DENND4B: variants seen among roughly 807,000 people sequenced by gnomAD.
DENND4B encodes DENN domain containing 4B.
In DENND4B, 67 loss-of-function variants were observed where a neutral mutation model predicts 161.0. That is an observed-to-expected ratio of 0.42 (90% CI 0.34 to 0.51). The LOEUF (loss-of-function observed/expected upper bound fraction) is 0.51. Ranked by LOEUF, DENND4B falls within the 20% of genes least tolerant of loss-of-function variation. DENND4B has a pLI of 0.08. For synonymous variants in DENND4B, 753 were observed against 813.8 expected, an observed-to-expected ratio of 0.93 and a Z score of 1.27; for missense variants, 1,481 against 1,968.0, an observed-to-expected ratio of 0.75 and a Z score of 4.68.
At position 153,936,583 on chromosome 1, in the gene DENND4B, G is replaced by A. The variant is rs1208489799; in HGVS notation, c.2398C>T (p.Leu800=). 1.2e-6 allele frequency: 2 copies of A among 1,610,236 alleles called. No individual in the cohort carries two copies. Among genetic ancestry groups the A allele is most frequent in the South Asian group, 2.2e-5 (2 of 90,620 alleles). The change falls in exon 16 of 28, where the codon CTG becomes TTG. Residue 800 remains leucine, a synonymous_variant. Transcript: ENST00000361217. The surrounding 1 kb of genome is among the most constrained non-coding windows in gnomAD (Gnocchi z 4.1). ...VQALHTAYHV[L]RQMESGKVVL... is the part of the protein sequence containing the mutation. Reference sequence around the variant, plus strand: ...ACCTTGCCGCTCTCCATCTGGCGCAGCACATGGTAGGCTGTGTGCAGTGCC... The same window carrying A: ...ACCTTGCCGCTCTCCATCTGGCGCAACACATGGTAGGCTGTGTGCAGTGCC...
At chr1:153,941,773 C>CGGGGGGGGGGGGGG in intron 6 of DENND4B, 96 bp downstream of exon 6, 1 of 1,426,304 alleles carries the variant, frequency 7.0e-7, no homozygotes, top group Non-Finnish European at 9.6e-7. Flanking sequence ...ACCCTGTGCC[C>CGGGGGGGGGGGGGG]AGCCCTCCCC....
chr1:153,941,783 C>G, intron 6 of DENND4B, 86 bp downstream of exon 6: 1 of 918,764 alleles, frequency 1.1e-6, no homozygotes, highest in Non-Finnish European at 1.7e-6. Flanking sequence ...CAGCCCTCCC[C>G]CCACCCACAT....
At position 153,933,424 on chromosome 1, in the gene DENND4B, C is replaced by T. The variant is rs999337691; in HGVS notation, c.3330+59G>A. On this transcript the variant is annotated intron_variant, in intron 20 of 27. Transcript: ENST00000361217. The surrounding 1 kb of genome is among the most constrained non-coding windows in gnomAD (Gnocchi z 5.7). Reference sequence around the variant, plus strand: ...CCCCCTTTTTGAGCATTCTTCCAGTCGTAGCCCCTCCCCAAGCCCACTAAT... The same window carrying T: ...CCCCCTTTTTGAGCATTCTTCCAGTTGTAGCCCCTCCCCAAGCCCACTAAT... The T allele has an allele frequency of 1.2e-5, 19 of 1,599,046 alleles. No homozygotes were observed. The Middle Eastern group carries it at 1.2e-3, about 99-fold the overall frequency.
In DENND4B at chr1:153,937,243, A is replaced by G. The variant is rs552109010; in HGVS notation, c.2232+245T>C. 5.9e-5 allele frequency among the ~76,000 whole-genome samples: 9 copies of G among 152,360 alleles called. No individual in the cohort carries two copies. In the South Asian group the frequency reaches 1.9e-3, roughly 32 times the overall value. On this transcript the variant is annotated intron_variant, in intron 15 of 27. Coordinates refer to ENST00000361217, the MANE Select transcript of DENND4B (RefSeq NM_014856.3). This position sits in a 1 kb window ranked among gnomAD's most constrained non-coding sequence, Gnocchi z 4.7. ...CTTGAGCATGGGCAGGTGCCCTAGA[A>G]GACATGGCCAGCCCCTGGATTCCCA...
rs140333958 is a variant in DENND4B at position 153,935,772 on chromosome 1, C to T, written c.2568+288G>A. 1.0e-3 allele frequency: 357 copies of T among 352,640 alleles called. 2 individuals are homozygous for T. The highest frequency in any genetic ancestry group is 6.6e-3 in the African/African-American group (312 of 47,374). 21.8% of individuals were successfully genotyped at this position (352,640 alleles called of 1,614,324 possible). On this transcript the variant is annotated intron_variant, in intron 17 of 27. Transcript: ENST00000361217. ...TGATCATCCCACCTCATAGGGCTGT[C>T]GTGAAGATAAAATGATGTAAAATGT...
rs1679563111 is a variant in DENND4B, at chr1:153,939,776, G to A, written c.1632C>T (p.Ser544=). 6.2e-7 allele frequency: 1 copy of A among 1,613,836 alleles called. No homozygotes were observed. The highest frequency in any genetic ancestry group is 8.5e-7 in the Non-Finnish European group (1 of 1,179,870). Residue 544 remains serine, a synonymous_variant, in exon 12 of 28, where the codon TCC becomes TCT. Transcript: ENST00000361217. ...CGTAGTCTGTCAGTAGGAACTCCAGGGATGCTTCCTCCTCAGGTCCAGTGT... is the reference window on the plus strand; with the variant it reads ...CGTAGTCTGTCAGTAGGAACTCCAGAGATGCTTCCTCCTCAGGTCCAGTGT... ...QTYTGPEEEA[S]LEFLLTDYEA... is the part of the protein sequence containing the mutation.
chr1:153,934,115 A>G lies in DENND4B; in HGVS notation c.2941+20T>C. On this transcript the variant is annotated intron_variant, in intron 19 of 27. Coordinates refer to ENST00000361217, the MANE Select transcript of DENND4B (RefSeq NM_014856.3). This position sits in a 1 kb window ranked among gnomAD's most constrained non-coding sequence, Gnocchi z 5.3. Reference sequence around the variant, plus strand: ...GGAAAGCTGACTGGGGGAGTGAGGGAGCCAGACAAGGGCACTCACTGTGGG... The same window carrying G: ...GGAAAGCTGACTGGGGGAGTGAGGGGGCCAGACAAGGGCACTCACTGTGGG... The G allele has an allele frequency of 6.5e-7, 1 of 1,536,812 alleles. No homozygotes were observed. The highest frequency in any genetic ancestry group is 1.3e-5 in the South Asian group (1 of 79,900).
At position 153,946,109 on chromosome 1, in the gene DENND4B, A is replaced by G. The variant is rs1435186480; in HGVS notation, c.-24+192T>C. ...CACCCACGGGAGCAGAAGGGGGTGC[A>G]GGAGGCCGGGCACGGCGAGCTAATT... On this transcript the variant is annotated intron_variant, in intron 1 of 27. Transcript: ENST00000361217. The surrounding 1 kb of genome is among the most constrained non-coding windows in gnomAD (Gnocchi z 6.3). 6.6e-6 allele frequency among the ~76,000 whole-genome samples: 1 copy of G among 152,180 alleles called. No individual in the cohort carries two copies. The highest frequency in any genetic ancestry group is 2.4e-5 in the African/African-American group (1 of 41,460).
chr1:153,941,676 T>C (rs1326573602), intron 6 of DENND4B, among the ~76,000 whole-genome samples, 193 bp downstream of exon 6: 1 of 152,126 alleles, frequency 6.6e-6, no homozygotes, highest in East Asian at 1.9e-4. Flanking sequence ...AAGTTTAGAC[T>C]GGATTTCAGG....
At chr1:153,935,128 A>C in intron 17 of DENND4B, 164 bp from the exon 18 acceptor site, 1 of 1,389,876 alleles carries the variant, frequency 7.2e-7, no homozygotes, top group Non-Finnish European at 9.4e-7. Flanking sequence ...CAGAAGAGAC[A>C]GTAGGCAGCA....
Position 153,934,144 on chromosome 1 carries a change from C to T in DENND4B, c.2932G>A (p.Val978Met). The T allele has an allele frequency of 6.4e-7, 1 of 1,568,088 alleles. No individual in the cohort carries two copies. Among genetic ancestry groups the T allele is most frequent in the Middle Eastern group, 2.0e-4 (1 of 5,096 alleles). The change falls in exon 19 of 28, where the codon GTG becomes ATG. Residue 978 changes from valine to methionine, a missense_variant. This residue lies in a region of DENND4B where 339 missense variants were observed against 330.3 expected (regional missense o/e 1.03). Transcript: ENST00000361217. The surrounding 1 kb of genome is among the most constrained non-coding windows in gnomAD (Gnocchi z 5.3). ...RGAQPTVEAG[V>M]AHMIEALGVL... ...AGACAAGGGCACTCACTGTGGGCCACACCGGCCTCCACAGTGGGCTGTGCC... is the reference window on the plus strand; with the variant it reads ...AGACAAGGGCACTCACTGTGGGCCATACCGGCCTCCACAGTGGGCTGTGCC...
chr1:153,933,150 G>C lies in DENND4B; in HGVS notation c.3453+47C>G. 1 of 1,612,126 alleles carries C rather than the reference G, an allele frequency of 6.2e-7. No individual in the cohort carries two copies. On this transcript the variant is annotated intron_variant, in intron 21 of 27. Coordinates refer to ENST00000361217, the MANE Select transcript of DENND4B (RefSeq NM_014856.3). The surrounding 1 kb of genome is among the most constrained non-coding windows in gnomAD (Gnocchi z 5.7). ...CTCCTGCCTTGGACAGGGTGAGTGT[G>C]TGCTATGTGTGTTCAAGCACATCTG...
Position 153,934,892 on chromosome 1 carries a change from C to T in DENND4B, c.2641G>A (p.Val881Ile), listed in dbSNP as rs1679241000. ...TGGCGGAACTGAGCAGCCCCCAGGA[C>T]AACATTCCGGAGCTTGGCCCAGCGC... The part of the protein sequence containing the change: ...RLRWAKLRNV[V>I]LGAAQFRQPL... The change falls in exon 18 of 28, where the codon GTC becomes ATC. Residue 881 changes from valine (V) to isoleucine (I), a missense_variant. By Grantham distance (29) the Val-to-Ile change is conservative (BLOSUM62 3). Around this residue, in one of 3 missense-constraint regions of DENND4B, gnomAD observed 339 missense variants for 330.3 expected, o/e 1.03. Coordinates refer to ENST00000361217, the MANE Select transcript of DENND4B (RefSeq NM_014856.3). The surrounding 1 kb of genome is among the most constrained non-coding windows in gnomAD (Gnocchi z 5.3). 1.2e-6 allele frequency: 2 copies of T among 1,613,596 alleles called. No individual in the cohort carries two copies. The highest frequency in any genetic ancestry group is 3.3e-5 in the Admixed American group (2 of 59,998).
At position 153,934,998 on chromosome 1, in the gene DENND4B, C is replaced by T. The variant is rs376395223; in HGVS notation, c.2569-34G>A. ...CACAGTGCCCATCAGGATGGCCTACCTCGACACCCTAACCCTGCCTCATAC... is the reference window on the plus strand; with the variant it reads ...CACAGTGCCCATCAGGATGGCCTACTTCGACACCCTAACCCTGCCTCATAC... On this transcript the variant is annotated intron_variant, in intron 17 of 27. Transcript: ENST00000361217. This position sits in a 1 kb window ranked among gnomAD's most constrained non-coding sequence, Gnocchi z 5.3. 1.2e-6 allele frequency: 2 copies of T among 1,602,402 alleles called. No individual in the cohort carries two copies. Among genetic ancestry groups the T allele is most frequent in the Non-Finnish European group, 1.7e-6 (2 of 1,178,112 alleles).
chr1:153,933,760 G>A lies in DENND4B; in HGVS notation c.3053C>T (p.Pro1018Leu). ...TGEEPLPGGS[P>L]GGSGSALSAQ... ...ACTCAGGGCTGAGCCTGAGCCCCCT[G>A]GGCTGCCTCCAGGGAGCGGCTCCTC... Residue 1018 changes from proline (P) to leucine (L), a missense_variant, in exon 20 of 28, where the codon CCA becomes CTA. Physicochemically the swap from Pro to Leu is moderately conservative, Grantham distance 98. Transcript: ENST00000361217. The surrounding 1 kb of genome is among the most constrained non-coding windows in gnomAD (Gnocchi z 5.7). 1 of 1,606,852 alleles carries A rather than the reference G, an allele frequency of 6.2e-7. No homozygotes were observed. Among genetic ancestry groups the A allele is most frequent in the Non-Finnish European group, 8.5e-7 (1 of 1,177,122 alleles).
chr1:153,941,076 G>A (rs1430442320), intron 8 of DENND4B, 28 bp from the exon 9 acceptor site: 1 of 1,553,728 alleles, frequency 6.4e-7, no homozygotes, highest in Non-Finnish European at 8.7e-7. Context: ...GTGGGGAAAG[G>A]GTCACCAGGA....
Position 153,936,332 on chromosome 1 carries a change from C to G in DENND4B, c.2440-144G>C, listed in dbSNP as rs1277137623. The G allele has an allele frequency of 9.2e-6, 12 of 1,298,844 alleles. No individual in the cohort carries two copies. Among genetic ancestry groups the G allele is most frequent in the Non-Finnish European group, 4.2e-6 (4 of 949,106 alleles). 80.5% of individuals were successfully genotyped at this position (1,298,844 alleles called of 1,614,324 possible). A position where few individuals can be genotyped will look rare whatever the true frequency, so the allele number is the denominator to read the frequency against. ...CCTGGGGCTACCTCAGAGCCACCCA[C>G]CCTTTCTGCTGACCCTGCCACCCTA... On this transcript the variant is annotated intron_variant, in intron 16 of 27. Transcript: ENST00000361217. The surrounding 1 kb of genome is among the most constrained non-coding windows in gnomAD (Gnocchi z 4.1).
intron 2 of DENND4B, among the ~76,000 whole-genome samples, chr1:153,943,678 TAAAAA>T (rs11330733): frequency 1.1e-5 from 1 of 92,408 alleles, no homozygotes; most frequent in Non-Finnish European, 2.2e-5. Flanking sequence ...ACTCTGTCTA[TAAAAA>T]AAAAAAAAAA....
At position 153,944,175 on chromosome 1, in the gene DENND4B, C is replaced by A. The variant is rs1380918917; in HGVS notation, c.200G>T (p.Cys67Phe). 6.2e-7 allele frequency: 1 copy of A among 1,612,946 alleles called. No individual in the cohort carries two copies. The highest frequency in any genetic ancestry group is 1.7e-5 in the Admixed American group (1 of 59,856). Residue 67 changes from cysteine (C) to phenylalanine (F), a missense_variant, in exon 2 of 28, where the codon TGC (cysteine) becomes TTC (phenylalanine). By Grantham distance (205) the Cys-to-Phe change is radical (BLOSUM62 -2). Coordinates refer to ENST00000361217, the MANE Select transcript of DENND4B (RefSeq NM_014856.3). The surrounding 1 kb of genome is among the most constrained non-coding windows in gnomAD (Gnocchi z 4.8). Reference protein sequence around the residue: ...LGEEVPQGYTCIQASAGGHPL... With the variant: ...LGEEVPQGYTFIQASAGGHPL... ...GTGGCCCCCAGCAGAAGCCTGGATG[C>A]ATGTGTAGCCCTGGGGCACTTCCTC...
Sources: allele counts gnomAD v4.1 joint callset (sites outside exome capture counted in the v4.1 genomes callset), GRCh38; gene constraint gnomAD v4.1.1; regional missense constraint gnomAD v4.1.1; non-coding constraint Gnocchi (gnomAD v3.1); transcripts MANE v1.5; gene names NCBI Gene and HGNC (gene_info 2026-07-23, HGNC 2026-07-21).